Variants in POPDC1 observed in about 807,000 individuals in gnomAD.
POPDC1 encodes popeye domain-containing protein 1.
At chr6:105,125,609 C>T in the POPDC1 span, 1 of 1,602,248 alleles carries the variant, frequency 6.2e-7, no homozygotes, top group Non-Finnish European at 8.5e-7. Context: ...GATGCTTCAC[C>T]AATGCAGCAG....
the POPDC1 span, among the ~76,000 whole-genome samples, chr6:105,135,060 C>T: frequency 6.6e-6 from 1 of 152,184 alleles, no homozygotes; most frequent in East Asian, 1.9e-4. Flanking sequence ...CCCAACATCA[C>T]CTACCCTAGC....
chr6:105,128,096 A>G, the POPDC1 span, among the ~76,000 whole-genome samples: 1 of 152,222 alleles, frequency 6.6e-6, no homozygotes, highest in African/African-American at 2.4e-5. Flanking sequence ...TACTCATCAA[A>G]GGTTTTTTTG....
chr6:105,129,299 T>C, the POPDC1 span: 2 of 1,263,330 alleles, frequency 1.6e-6, no homozygotes, highest in East Asian at 2.6e-5. Flanking sequence ...TGCTAGATAC[T>C]TACTCTTAAC....
At chr6:105,129,630 C>A in the POPDC1 span, 2 of 846,396 alleles carry the variant, frequency 2.4e-6, no homozygotes, top group Non-Finnish European at 1.8e-6. Flanking sequence ...TGCAAGACCC[C>A]CAGTGAACGC....
chr6:105,124,525 T>A, the POPDC1 span: 1 of 1,515,102 alleles, frequency 6.6e-7, no homozygotes, highest in Non-Finnish European at 9.2e-7. Context: ...TCAATCTCCT[T>A]AAAAATCATG....
chr6:105,105,602 C>A, the POPDC1 span, among the ~76,000 whole-genome samples: 1 of 152,292 alleles, frequency 6.6e-6, no homozygotes, highest in South Asian at 2.1e-4. Flanking sequence ...GAAATTATTT[C>A]TTTGAACCCC....
At chr6:105,121,179 T>C in the POPDC1 span, among the ~76,000 whole-genome samples, 4 of 151,864 alleles carry the variant, frequency 2.6e-5, no homozygotes, top group East Asian at 1.9e-4. Context: ...TGAGATAGAA[T>C]ACAAAAGAAA....
At chr6:105,136,015 T>C in the POPDC1 span, among the ~76,000 whole-genome samples, 1 of 152,230 alleles carries the variant, frequency 6.6e-6, no homozygotes, top group African/African-American at 2.4e-5. Context: ...AGTAAAGTTT[T>C]GTTTATCGTT....
the POPDC1 span, chr6:105,136,366 G>T: frequency 6.6e-6 from 1 of 152,226 alleles, no homozygotes; most frequent in Non-Finnish European, 1.5e-5. Flanking sequence ...CTCTGACCTC[G>T]CTCCTTAAAG....
At chr6:105,118,711 C>T in the POPDC1 span, among the ~76,000 whole-genome samples, 1 of 152,176 alleles carries the variant, frequency 6.6e-6, no homozygotes, top group Non-Finnish European at 1.5e-5. Context: ...TAATGCCACT[C>T]ACTTTGTATA....
chr6:105,128,515 T>C, the POPDC1 span, among the ~76,000 whole-genome samples: 7 of 152,186 alleles, frequency 4.6e-5, no homozygotes, highest in African/African-American at 7.2e-5. Context: ...AAAAGCCCAT[T>C]TGCTGTTATA....
At chr6:105,128,621 A>G in the POPDC1 span, among the ~76,000 whole-genome samples, 4 of 152,222 alleles carry the variant, frequency 2.6e-5, no homozygotes, top group African/African-American at 7.2e-5. Flanking sequence ...TGAGGTTACA[A>G]TCTAGTTGAA....
At chr6:105,132,460 C>A in the POPDC1 span, among the ~76,000 whole-genome samples, 2 of 152,208 alleles carry the variant, frequency 1.3e-5, no homozygotes, top group Non-Finnish European at 2.9e-5. Context: ...ATCACCTTCT[C>A]CGTGTCCCCC....
chr6:105,120,755 G>A, the POPDC1 span, among the ~76,000 whole-genome samples: 2 of 152,218 alleles, frequency 1.3e-5, no homozygotes, highest in African/African-American at 4.8e-5. Flanking sequence ...AGGTCTCTGA[G>A]GGATCTGCCA....
At chr6:105,137,088 CTCGGCGGG>C in the POPDC1 span, 1 of 151,884 alleles carries the variant, frequency 6.6e-6, no homozygotes, top group South Asian at 2.1e-4. Context: ...ACGCGCGCTC[CTCGGCGGG>C]TCGGCGGGTC....
chr6:105,122,910 A>C, the POPDC1 span, among the ~76,000 whole-genome samples: 1 of 152,244 alleles, frequency 6.6e-6, no homozygotes, highest in Non-Finnish European at 1.5e-5. Flanking sequence ...CAGTGAATCT[A>C]TATGCAACCT....
the POPDC1 span, chr6:105,115,931 A>G: frequency 8.6e-7 from 1 of 1,168,492 alleles, no homozygotes; most frequent in Non-Finnish European, 1.2e-6. Context: ...TGCATTTAAA[A>G]AAAAGAATAC....
chr6:105,133,607 A>G, the POPDC1 span: 4 of 1,531,786 alleles, frequency 2.6e-6, no homozygotes, highest in Non-Finnish European at 3.5e-6. Context: ...ACAAGTAAAC[A>G]AAAGTAAAAT....
At chr6:105,098,582 TGACTGTATAGAGTGATTTTGTAA>T in the POPDC1 span, 1 of 152,192 alleles carries the variant, frequency 6.6e-6, no homozygotes, top group Non-Finnish European at 1.5e-5. Context: ...TTACATCTAA[TGACTGTATAGAGTGATTTTGTAA>T]ATTAGTCTTA....
Sources: allele counts gnomAD v4.1 joint callset (sites outside exome capture counted in the v4.1 genomes callset), GRCh38; gene constraint gnomAD v4.1.1; transcripts MANE v1.5; gene names NCBI Gene and HGNC (gene_info 2026-07-23, HGNC 2026-07-21).